EBF1: variants seen among roughly 807,000 people sequenced by gnomAD.
The protein encoded by EBF1 is EBF transcription factor 1, also known as transcription factor COE1.
Under a neutral mutation model 68.4 loss-of-function variants are expected in EBF1, and 10 were observed. The ratio of observed to expected loss-of-function variants is 0.15; its 90% CI spans 0.09 to 0.25. EBF1 has a LOEUF of 0.25. Ranked by LOEUF, EBF1 falls within the 10% of genes least tolerant of loss-of-function variation. EBF1 has a pLI of 1.00. For missense variants in EBF1, 509 were observed against 794.4 expected, an observed-to-expected ratio of 0.64 and a Z score of 4.32; for synonymous variants, 298 against 299.8, an observed-to-expected ratio of 0.99 and a Z score of 0.06.
At chr5:158,964,146 A>G (rs1753638095) in intron 6 of EBF1, among the ~76,000 whole-genome samples, 1 of 152,174 alleles carries the variant, frequency 6.6e-6, no homozygotes, top group Non-Finnish European at 1.5e-5. Context: ...TATACCAGTT[A>G]TAGGGGAAAA....
intron 6 of EBF1, among the ~76,000 whole-genome samples, chr5:158,876,474 A>G (rs568245774): frequency 2.4e-4 from 36 of 152,266 alleles, no homozygotes; most frequent in African/African-American, 8.7e-4. Flanking sequence ...GACTTCCTAG[A>G]TGGGAGACAC....
intron 8 of EBF1, 72 bp from the exon 9 acceptor site, chr5:158,796,547 GA>G: frequency 1.4e-6 from 2 of 1,444,720 alleles, no homozygotes; most frequent in South Asian, 1.6e-5. Context: ...GAAGACTTGA[GA>G]AAAAGGAAAA....
At chr5:159,049,041 C>T (rs1318408840) in intron 6 of EBF1, among the ~76,000 whole-genome samples, 1 of 152,112 alleles carries the variant, frequency 6.6e-6, no homozygotes, top group Non-Finnish European at 1.5e-5. Context: ...CACACCATTC[C>T]CCTGCATTCG....
At chr5:158,820,039 ATC>A (rs780588478) in intron 8 of EBF1, among the ~76,000 whole-genome samples, 2 of 152,116 alleles carry the variant, frequency 1.3e-5, no homozygotes, top group Non-Finnish European at 2.9e-5. Context: ...GTAAAGCACG[ATC>A]TCTGTCTCTA....
intron 8 of EBF1, among the ~76,000 whole-genome samples, chr5:158,807,199 G>T (rs1781744574): frequency 6.6e-6 from 1 of 152,118 alleles, no homozygotes; most frequent in East Asian, 1.9e-4. Flanking sequence ...CCATAGACTA[G>T]GAACTGTGCT....
intron 8 of EBF1, among the ~76,000 whole-genome samples, chr5:158,822,041 G>A (rs977073765): frequency 7.2e-5 from 11 of 152,116 alleles, no homozygotes; most frequent in Admixed American, 6.5e-4. Context: ...AGAGAAGGGA[G>A]TTTTCTACCT....
intron 6 of EBF1, among the ~76,000 whole-genome samples, chr5:158,948,599 A>G (rs1290316332): frequency 6.6e-6 from 1 of 152,192 alleles, no homozygotes; most frequent in East Asian, 1.9e-4. Context: ...ACTCATCTTC[A>G]GAAATCTGGA....
At chr5:158,987,906 C>T (rs985473624) in intron 6 of EBF1, among the ~76,000 whole-genome samples, 1 of 152,176 alleles carries the variant, frequency 6.6e-6, no homozygotes, top group Non-Finnish European at 1.5e-5. Flanking sequence ...CCTAGATCCC[C>T]TTCTATGCGT....
chr5:158,992,250 T>A (rs1760484170), intron 6 of EBF1, among the ~76,000 whole-genome samples: 1 of 151,960 alleles, frequency 6.6e-6, no homozygotes, highest in Admixed American at 6.6e-5. Context: ...GTATTCCTTT[T>A]ACCTAAATGC....
In EBF1 at chr5:158,766,002, T is replaced by C. The variant is rs74928350; in HGVS notation, c.1036+11411A>G. On this transcript the variant is annotated intron_variant, in intron 10 of 15. Transcript: ENST00000313708. ...TATCTCATTAAATATTTGAGTATTT[T>C]TAAAGCAAGATGCTTTCTCAATTAT... Among the ~76,000 whole-genome samples the C allele has an allele frequency of 5.5e-3, 840 of 152,342 alleles. 6 individuals are homozygous for C. Among genetic ancestry groups the C allele is most frequent in the African/African-American group, 0.019 (771 of 41,582 alleles).
Position 158,972,767 on chromosome 5 carries a change from A to G in EBF1, c.554+100629T>C, listed in dbSNP as rs564094995. Among the ~76,000 whole-genome samples the G allele has an allele frequency of 5.9e-5, 9 of 152,328 alleles. No individual in the cohort carries two copies. In the East Asian group the frequency reaches 9.7e-4, roughly 16 times the overall value. ...ACGGGGCCCAAGAAATGGCCCCAGG[A>G]TGCCTTGGGCAGCGCCACCTGCTAC... On this transcript the variant is annotated intron_variant, in intron 6 of 15. Coordinates refer to ENST00000313708, the MANE Select transcript of EBF1 (RefSeq NM_024007.5).
chr5:158,734,009 C>T (rs978149629), intron 10 of EBF1, among the ~76,000 whole-genome samples: 2 of 152,026 alleles, frequency 1.3e-5, no homozygotes, highest in African/African-American at 2.4e-5. Flanking sequence ...TTAAGGCACC[C>T]GCATGGAATA....
At chr5:158,771,516 G>A (rs1416192448) in intron 10 of EBF1, among the ~76,000 whole-genome samples, 3 of 152,104 alleles carry the variant, frequency 2.0e-5, no homozygotes, top group Non-Finnish European at 2.9e-5. Context: ...TGGGCAATAT[G>A]TCAATGATAG....
Position 158,887,467 on chromosome 5 carries a change from C to T in EBF1, c.555-47357G>A, listed in dbSNP as rs549725881. Among the ~76,000 whole-genome samples, 9 of 152,282 alleles carry T rather than the reference C, an allele frequency of 5.9e-5. No homozygotes were observed. In the South Asian group the frequency reaches 1.0e-3, roughly 18 times the overall value. ...GTAATGTTGTTGCAAAATTCTTGGG[C>T]CTAGAATTAGTGAGCTTCACGCTAA... On this transcript the variant is annotated intron_variant, in intron 6 of 15. Transcript: ENST00000313708.
intron 11 of EBF1, among the ~76,000 whole-genome samples, chr5:158,722,095 A>T (rs1400394745): frequency 6.6e-6 from 1 of 152,092 alleles, no homozygotes; most frequent in Non-Finnish European, 1.5e-5. Flanking sequence ...ATTCCAATTC[A>T]TTGTACTGGT....
At chr5:158,878,785 A>AG (rs1167669791) in intron 6 of EBF1, among the ~76,000 whole-genome samples, 1 of 151,938 alleles carries the variant, frequency 6.6e-6, no homozygotes, top group African/African-American at 2.4e-5. Context: ...CTGGGATTAC[A>AG]GGGATGTGCC....
At chr5:158,743,806 T>A (rs1297505811) in intron 10 of EBF1, among the ~76,000 whole-genome samples, 5 of 152,124 alleles carry the variant, frequency 3.3e-5, no homozygotes, top group Non-Finnish European at 7.3e-5. Flanking sequence ...ATGAGTTCAA[T>A]TTCAGACATG....
chr5:158,992,065 TAAGA>T (rs1350631702), intron 6 of EBF1, among the ~76,000 whole-genome samples: 2 of 152,270 alleles, frequency 1.3e-5, no homozygotes, highest in East Asian at 3.9e-4. Flanking sequence ...CACACGGGGC[TAAGA>T]GAGAACGGAT....
chr5:158,943,965 G>C (rs969836276), intron 6 of EBF1, among the ~76,000 whole-genome samples: 1 of 152,146 alleles, frequency 6.6e-6, no homozygotes, highest in Non-Finnish European at 1.5e-5. Flanking sequence ...CACTGAGCCC[G>C]GACTGCGCCT....
Sources: gnomAD v4.1 joint callset for allele counts (sites outside exome capture counted in the v4.1 genomes callset) on GRCh38, gnomAD v4.1.1 for gene constraint, MANE v1.5 for transcripts, NCBI Gene and HGNC (gene_info 2026-07-23, HGNC 2026-07-21) for gene names.